MXRA8: variants seen among roughly 807,000 people sequenced by gnomAD.
MXRA8 encodes the protein matrix remodeling associated 8.
Under a neutral mutation model 51.4 loss-of-function variants are expected in MXRA8, and 44 were observed. That is an observed-to-expected ratio of 0.86 (90% confidence interval 0.67 to 1.10). MXRA8 has a LOEUF of 1.10. Ranked by LOEUF, MXRA8 falls within the 50% of genes least tolerant of loss-of-function variation. The pLI, the probability that MXRA8 is intolerant of heterozygous loss-of-function variation, is 0.00. For synonymous variants in MXRA8, 369 were observed against 293.5 expected, an observed-to-expected ratio of 1.26 and a Z score of -2.63; for missense variants, 765 against 638.9, an observed-to-expected ratio of 1.20 and a Z score of -2.13.
At position 1,353,514 on chromosome 1, in the gene MXRA8, G is replaced by T. The variant is rs1219240403; in HGVS notation, c.*90C>A. 25 of 1,514,194 alleles carry T rather than the reference G, an allele frequency of 1.7e-5. No homozygotes were observed. Among genetic ancestry groups the T allele is most frequent in the Middle Eastern group, 2.1e-4 (1 of 4,876 alleles). 93.8% of individuals were successfully genotyped at this position (1,514,194 alleles called of 1,614,324 possible). On this transcript the variant is annotated 3_prime_UTR_variant, in exon 10 of 10. Coordinates refer to ENST00000309212, the MANE Select transcript of MXRA8 (RefSeq NM_032348.4). Reference sequence around the variant, plus strand: ...GGAAAGCGGGACCAGCCGCTGGAAGGGGGGTGAGCCCCGGAGCATCAGGAG... The same window carrying T: ...GGAAAGCGGGACCAGCCGCTGGAAGTGGGGTGAGCCCCGGAGCATCAGGAG...
chr1:1,353,823 G>A, intron 9 of MXRA8, 25 bp downstream of exon 9: 2 of 1,554,752 alleles, frequency 1.3e-6, no homozygotes, highest in East Asian at 2.3e-5. Flanking sequence ...CTCTGAGATG[G>A]GCTGAGGTCG....
Position 1,354,845 on chromosome 1 carries a change from C to G in MXRA8, c.786G>C (p.Leu262=). ...AGTAGGTGCCCTCGTCGGCGACCTCCAGCGGCTCGATACGCAGTGAGAAGT... is the reference window on the plus strand; with the variant it reads ...AGTAGGTGCCCTCGTCGGCGACCTCGAGCGGCTCGATACGCAGTGAGAAGT... ...RGDFSLRIEP[L]EVADEGTYSC... The change falls in exon 5 of 10, where the codon CTG becomes CTC. Residue 262 remains leucine (L), a synonymous_variant. Transcript: ENST00000309212. 6.2e-7 allele frequency: 1 copy of G among 1,612,152 alleles called. No homozygotes were observed. Among genetic ancestry groups the G allele is most frequent in the Non-Finnish European group, 8.5e-7 (1 of 1,179,674 alleles).
At chr1:1,359,311 A>C, upstream of MXRA8, 1 of 985,416 alleles carries the variant, frequency 1.0e-6, no homozygotes, top group Admixed American at 6.1e-5. Flanking sequence ...CTCCTGGAGA[A>C]AGGGGAGAGT....
intron 8 of MXRA8, 30 bp from the exon 9 acceptor site, chr1:1,353,958 G>T (rs766418101): frequency 1.2e-6 from 2 of 1,602,982 alleles, no homozygotes; most frequent in East Asian, 2.2e-5. Flanking sequence ...TGAGGTCCCC[G>T]CTCCCAGGAT....
chr1:1,353,900 C>A lies in MXRA8; in HGVS notation c.1251G>T (p.Arg417Ser). The change falls in exon 9 of 10, where the codon AGG becomes AGT. Residue 417 changes from arginine (R) to serine (S), a missense_variant. Transcript: ENST00000309212. ...LDYKNNILKERAELAHSPLPA... is the reference protein window; with the variant it reads ...LDYKNNILKESAELAHSPLPA... ...GCAGGGGGCTGTGGGCCAGCTCCGCCCTCTCCTTCAGGATGTTGTTTTTGT... is the reference window on the plus strand; with the variant it reads ...GCAGGGGGCTGTGGGCCAGCTCCGCACTCTCCTTCAGGATGTTGTTTTTGT... 1.2e-6 allele frequency: 2 copies of A among 1,609,600 alleles called. No individual in the cohort carries two copies. The highest frequency in any genetic ancestry group is 4.5e-5 in the East Asian group (2 of 44,872).
chr1:1,357,554 C>G (rs559088364), intron 1 of MXRA8, among the ~76,000 whole-genome samples: 29 of 152,316 alleles, frequency 1.9e-4, no homozygotes, highest in Admixed American at 1.6e-3. Context: ...CGCCTGTAAT[C>G]CCAGCACTTT....
intron 8 of MXRA8, 39 bp downstream of exon 8, chr1:1,353,991 G>A (rs1302406065): frequency 6.2e-7 from 1 of 1,610,188 alleles, no homozygotes; most frequent in African/African-American, 1.3e-5. Context: ...CCGGGACTGG[G>A]AGCCGCGCCT....
Position 1,354,724 on chromosome 1 carries a change from A to G in MXRA8, c.907T>C (p.Ser303Pro), listed in dbSNP as rs1477608752. Residue 303 changes from serine to proline, a missense_variant, in exon 5 of 10, where the codon TCT becomes CCT. By Grantham distance (74) the Ser-to-Pro change is moderately conservative. Coordinates refer to ENST00000309212, the MANE Select transcript of MXRA8 (RefSeq NM_032348.4). ...EPHAEPPPRG[S>P]PGNGSSHSGA... ...CTGTGGCTGGAGCCGTTGCCCGGAG[A>G]GCCCCGGGGGGGCGGCTCCGCGTGG... is the stretch of plus-strand genomic sequence containing the variant. 2 of 1,604,932 alleles carry G rather than the reference A, an allele frequency of 1.2e-6. No homozygotes were observed. The highest frequency in any genetic ancestry group is 1.7e-6 in the Non-Finnish European group (2 of 1,176,702).
upstream of MXRA8, among the ~76,000 whole-genome samples, chr1:1,360,862 GCA>G (rs997244370): frequency 5.3e-5 from 8 of 151,804 alleles, no homozygotes; most frequent in Non-Finnish European, 8.8e-5. Context: ...ACAGACACAT[GCA>G]CACACACACA....
Position 1,353,390 on chromosome 1 carries a change from C to A in MXRA8, c.*214G>T. 1.3e-6 allele frequency: 2 copies of A among 1,538,862 alleles called. No individual in the cohort carries two copies. The highest frequency in any genetic ancestry group is 2.4e-5 in the South Asian group (2 of 83,220). On this transcript the variant is annotated 3_prime_UTR_variant, in exon 10 of 10. Coordinates refer to ENST00000309212, the MANE Select transcript of MXRA8 (RefSeq NM_032348.4). ...GTTGTGCCAGGGGTGGGCAGGGCCACCCGTGAGCAAAGGCCGCAGGGGTGG... is the reference window on the plus strand; with the variant it reads ...GTTGTGCCAGGGGTGGGCAGGGCCAACCGTGAGCAAAGGCCGCAGGGGTGG...
Position 1,354,381 on chromosome 1 carries a change from G to C in MXRA8, c.1078C>G (p.Leu360Val). ...LLFILLLVTV[L>V]LAARRRRGGY... Reference sequence around the variant, plus strand: ...CCGCGGCGCCTGCGGGCGGCCAGGAGGACAGTGACCAGTAGCAGGATGAAG... The same window carrying C: ...CCGCGGCGCCTGCGGGCGGCCAGGACGACAGTGACCAGTAGCAGGATGAAG... The change falls in exon 6 of 10, where the codon CTC becomes GTC. Residue 360 changes from leucine (L) to valine (V), a missense_variant. By Grantham distance (32) the Leu-to-Val change is conservative. Transcript: ENST00000309212. 3 of 1,612,146 alleles carry C rather than the reference G, an allele frequency of 1.9e-6. No individual in the cohort carries two copies. Among genetic ancestry groups the C allele is most frequent in the Non-Finnish European group, 2.5e-6 (3 of 1,179,760 alleles).
upstream of MXRA8, chr1:1,358,825 C>G (rs1441021596): frequency 5.3e-6 from 6 of 1,135,554 alleles, no homozygotes; most frequent in Middle Eastern, 3.7e-4. Context: ...TCGTGTCTCA[C>G]GTCTAGGAGC....
upstream of MXRA8, chr1:1,358,620 T>A (rs891636599): frequency 1.0e-5 from 15 of 1,458,166 alleles, no homozygotes; most frequent in African/African-American, 2.0e-4. Context: ...GGCCTGGGCC[T>A]GTCTACGGTC....
chr1:1,361,195 GAGACACACAC>G (rs1644218750), upstream of MXRA8: 1 of 703,188 alleles, frequency 1.4e-6, no homozygotes, highest in Non-Finnish European at 2.6e-6. Flanking sequence ...CACAGAAACA[GAGACACACAC>G]AGACACACAT....
upstream of MXRA8, chr1:1,361,398 T>TGTC (rs2100828559): frequency 2.9e-6 from 2 of 690,626 alleles, no homozygotes; most frequent in Non-Finnish European, 5.3e-6. Flanking sequence ...CCCAGCCTCC[T>TGTC]GGACTGTGCT....
chr1:1,357,588 C>T (rs1644157950), intron 1 of MXRA8, among the ~76,000 whole-genome samples: 1 of 152,214 alleles, frequency 6.6e-6, no homozygotes, highest in Non-Finnish European at 1.5e-5. Flanking sequence ...AGGTGGATCA[C>T]CTGAGGTCAG....
At chr1:1,358,768 T>C (rs945879230), upstream of MXRA8, 10 of 1,248,804 alleles carry the variant, frequency 8.0e-6, no homozygotes, top group Non-Finnish European at 1.0e-5. Context: ...ACCGCACCCT[T>C]GGAGGGACAA....
intron 1 of MXRA8, among the ~76,000 whole-genome samples, chr1:1,357,298 G>A (rs1644152469): frequency 6.6e-6 from 1 of 152,190 alleles, no homozygotes; most frequent in Non-Finnish European, 1.5e-5. Context: ...TCTCTGACCG[G>A]AAGCGGGGCT....
intron 6 of MXRA8, 54 bp from the exon 7 acceptor site, chr1:1,354,286 G>A (rs1325981863): frequency 2.5e-6 from 4 of 1,600,954 alleles, no homozygotes; most frequent in Admixed American, 1.7e-5. Flanking sequence ...AGGTCCCCCA[G>A]CCCAGAGGAC....
Sources: gnomAD v4.1 joint callset for allele counts (sites outside exome capture counted in the v4.1 genomes callset) on GRCh38, gnomAD v4.1.1 for gene constraint, MANE v1.5 for transcripts, NCBI Gene and HGNC (gene_info 2026-07-23, HGNC 2026-07-21) for gene names.